The following VLDLR variants were observed in gnomAD, a reference collection of about 807,000 sequenced individuals.
The protein encoded by VLDLR is very low-density lipoprotein receptor.
Under a neutral mutation model 112.7 loss-of-function variants are expected in VLDLR, and 81 were observed. The observed-to-expected ratio is 0.72, with a 90% CI of 0.60 to 0.86. VLDLR has a LOEUF of 0.86. Among genes scored for constraint, VLDLR ranks in the 40% least tolerant of loss-of-function variants. The pLI is 0.00. For missense variants in VLDLR, 1,237 were observed against 1,099.4 expected, an observed-to-expected ratio of 1.13 and a Z score of -1.77; for synonymous variants, 436 against 384.8, an observed-to-expected ratio of 1.13 and a Z score of -1.56.
Position 2,645,720 on chromosome 9 carries a change from G to T in VLDLR, c.1459G>T (p.Asp487Tyr). The change falls in exon 10 of 19, where the codon GAT becomes TAT. Residue 487 changes from aspartate to tyrosine, a missense_variant. Asp to Tyr is a radical substitution (Grantham distance 160). Coordinates refer to ENST00000382100, the MANE Select transcript of VLDLR (RefSeq NM_003383.5). ...DIAAQKLFWA[D>Y]LSQKAIFSAS... ...TGCTGCCCAGAAACTATTCTGGGCC[G>T]ATCTAAGCCAAAAGGCTATCTTCAG... 1 of 1,614,176 alleles carries T rather than the reference G, an allele frequency of 6.2e-7. No individual in the cohort carries two copies. Among genetic ancestry groups the T allele is most frequent in the Non-Finnish European group, 8.5e-7 (1 of 1,180,016 alleles).
chr9:2,650,953 T>C (rs923973686), intron 15 of VLDLR, among the ~76,000 whole-genome samples: 6 of 152,200 alleles, frequency 3.9e-5, no homozygotes, highest in African/African-American at 1.4e-4. Flanking sequence ...TAACTTTTGA[T>C]TAAGTGGCAA....
intron 7 of VLDLR, among the ~76,000 whole-genome samples, chr9:2,644,252 G>A (rs534336695): frequency 2.8e-5 from 4 of 143,970 alleles, no homozygotes; most frequent in East Asian, 4.4e-4. Flanking sequence ...TCTGCCTCCC[G>A]GGTTCAAGCA....
chr9:2,646,438 C>T lies in VLDLR; in HGVS notation c.1589C>T (p.Thr530Ile). 6.2e-7 allele frequency: 1 copy of T among 1,614,132 alleles called. No homozygotes were observed. Among genetic ancestry groups the T allele is most frequent in the Non-Finnish European group, 8.5e-7 (1 of 1,180,008 alleles). Residue 530 changes from threonine to isoleucine, a missense_variant, in exon 11 of 19, where the codon ACT becomes ATT. Physicochemically the swap from Thr to Ile is moderately conservative, Grantham distance 89 (BLOSUM62 -1). Transcript: ENST00000382100. ...TGGGTGTACAAGACCATCTACTGGACTGATGCGGCTTCTAAGACTATTTCA... is the reference window on the plus strand; with the variant it reads ...TGGGTGTACAAGACCATCTACTGGATTGATGCGGCTTCTAAGACTATTTCA... ...VDWVYKTIYW[T>I]DAASKTISVA...
In VLDLR at chr9:2,645,142, T is replaced by A. The variant is rs188371479; in HGVS notation, c.1312+60T>A. ...TTTATGAGTAAGTGCCTCTAAAAGG[T>A]ACAGCCAGTGACTACAATAGTCAAA... On this transcript the variant is annotated intron_variant, in intron 9 of 18. Coordinates refer to ENST00000382100, the MANE Select transcript of VLDLR (RefSeq NM_003383.5). 8.9e-5 allele frequency: 143 copies of A among 1,611,932 alleles called. 2 individuals are homozygous for A. The East Asian group carries it at 2.9e-3, about 33-fold the overall frequency.
rs746343568 is a variant in VLDLR, at chr9:2,650,354, T to C, written c.2105-16T>C. The C allele has an allele frequency of 1.2e-6, 2 of 1,613,766 alleles. No individual in the cohort carries two copies. The highest frequency in any genetic ancestry group is 1.7e-5 in the Admixed American group (1 of 59,984). On this transcript the variant is annotated splice_polypyrimidine_tract_variant and intron_variant, in intron 14 of 18. Transcript: ENST00000382100. ...ACCGGAATACCCATTTTAATGGTAT[T>C]TTTTTTCCTGACTAGGTAAAAATTG... is the stretch of plus-strand genomic sequence containing the variant.
chr9:2,631,304 C>T (rs148708041), intron 1 of VLDLR, among the ~76,000 whole-genome samples: 13 of 152,298 alleles, frequency 8.5e-5, no homozygotes, highest in Non-Finnish European at 1.3e-4. Flanking sequence ...TCCAGCAATC[C>T]CTCTACTGGG....
chr9:2,651,599 C>A, intron 16 of VLDLR, 101 bp downstream of exon 16: 1 of 1,120,956 alleles, frequency 8.9e-7, no homozygotes, highest in Non-Finnish European at 1.3e-6. Context: ...ACTATTTCTG[C>A]CCCAATTGGT....
intron 4 of VLDLR, among the ~76,000 whole-genome samples, chr9:2,642,104 C>G (rs190646322): frequency 1.3e-5 from 2 of 152,256 alleles, no homozygotes. Context: ...GCTTCCTATT[C>G]TTTCATGTTT....
At chr9:2,635,394 T>C in intron 1 of VLDLR, 59 bp from the exon 2 acceptor site, 1 of 1,611,712 alleles carries the variant, frequency 6.2e-7, no homozygotes, top group East Asian at 2.2e-5. Flanking sequence ...CCATGGGTAT[T>C]AGGTATCTTG....
chr9:2,629,733 C>G lies in VLDLR; in HGVS notation c.83-5720C>G, dbSNP rs185685616. Among the ~76,000 whole-genome samples the G allele has an allele frequency of 2.0e-5, 3 of 152,310 alleles. No individual in the cohort carries two copies. In the East Asian group the frequency reaches 5.8e-4, roughly 29 times the overall value. ...GTAAAATTCACTTATTTCCATGACT[C>G]AGAAGAATTAGCCTACATATTCACC... On this transcript the variant is annotated intron_variant, in intron 1 of 18. Transcript: ENST00000382100.
chr9:2,641,299 C>T (rs919250764), intron 3 of VLDLR, 78 bp from the exon 4 acceptor site: 55 of 1,605,488 alleles, frequency 3.4e-5, no homozygotes, highest in Middle Eastern at 1.7e-4. Context: ...CAGGTATTAG[C>T]GCTTCCAGGC....
At position 2,642,085 on chromosome 9, in the gene VLDLR, G is replaced by A. The variant is rs10967312; in HGVS notation, c.448+586G>A. ...CCTGTTGCAGTTCCTGTCTCTGAAAGCTAACTCTGCTTCCTATTCTTTCAT... is the reference window on the plus strand; with the variant it reads ...CCTGTTGCAGTTCCTGTCTCTGAAAACTAACTCTGCTTCCTATTCTTTCAT... On this transcript the variant is annotated intron_variant, in intron 4 of 18. Coordinates refer to ENST00000382100, the MANE Select transcript of VLDLR (RefSeq NM_003383.5). Among the ~76,000 whole-genome samples the A allele has an allele frequency of 5.3e-4, 80 of 152,172 alleles. No individual in the cohort carries two copies. In the East Asian group the frequency reaches 0.015, roughly 29 times the overall value.
chr9:2,642,005 C>T (rs142925565), intron 4 of VLDLR, among the ~76,000 whole-genome samples: 245 of 150,196 alleles, frequency 1.6e-3, no homozygotes, highest in African/African-American at 5.4e-3. Flanking sequence ...CATGAATTAA[C>T]ATCTTGCCTC....
chr9:2,635,048 G>A (rs920191788), intron 1 of VLDLR, among the ~76,000 whole-genome samples: 2 of 152,050 alleles, frequency 1.3e-5, no homozygotes, highest in Non-Finnish European at 2.9e-5. Context: ...TTCTATTTTC[G>A]TCTGGCTCCA....
chr9:2,635,136 C>T (rs945220328), intron 1 of VLDLR, among the ~76,000 whole-genome samples: 27 of 152,160 alleles, frequency 1.8e-4, no homozygotes, highest in African/African-American at 6.5e-4. Context: ...GAAAATGGAT[C>T]CTCTATCCTC....
At chr9:2,649,446 C>G (rs1219296611) in intron 14 of VLDLR, among the ~76,000 whole-genome samples, 6 of 152,142 alleles carry the variant, frequency 3.9e-5, no homozygotes, top group African/African-American at 7.2e-5. Context: ...GGCTGGAGTG[C>G]AGTGGCACAA....
At position 2,637,044 on chromosome 9, in the gene VLDLR, AG is replaced by A. The variant is rs57817953; in HGVS notation, c.202+1473del. On this transcript the variant is annotated intron_variant, in intron 2 of 18. Transcript: ENST00000382100. ...TGGTAGGAGAGTTTGGCAAAGAAAA[AG>A]AGGTAGATGTATATCTAATCAAGAT... Among the ~76,000 whole-genome samples, 918 of 152,338 alleles carry A rather than the reference AG, an allele frequency of 6.0e-3. 15 individuals are homozygous for A. The highest frequency in any genetic ancestry group is 0.024 in the Middle Eastern group (7 of 294).
chr9:2,622,093 C>A lies in VLDLR; in HGVS notation c.-97C>A, dbSNP rs1323305771. The A allele has an allele frequency of 6.4e-6, 8 of 1,259,298 alleles. No homozygotes were observed. The highest frequency in any genetic ancestry group is 4.6e-5 in the South Asian group (3 of 65,870). 78.0% of individuals were successfully genotyped at this position (1,259,298 alleles called of 1,614,324 possible). A position where few individuals can be genotyped will look rare whatever the true frequency, so the allele number is the denominator to read the frequency against. On this transcript the variant is annotated 5_prime_UTR_variant, in exon 1 of 19. Coordinates refer to ENST00000382100, the MANE Select transcript of VLDLR (RefSeq NM_003383.5). ...TCCTTCTCCCCCTTTCCCCTCCCCG[C>A]CCCCACCTTCTTCCTCCTTTCGGAA...
At position 2,657,061 on chromosome 9, in the gene VLDLR, A is replaced by G. The variant is rs1818638088; in HGVS notation, c.*3193A>G. On this transcript the variant is annotated 3_prime_UTR_variant, in exon 19 of 19. Coordinates refer to ENST00000382100, the MANE Select transcript of VLDLR (RefSeq NM_003383.5). ...AAAAATGAGAAGCCAAGCTTTAAAT[A>G]GCAAACTACAGGGTATTAAAAGACT... The G allele has an allele frequency of 6.6e-6, 1 of 151,994 alleles. No homozygotes were observed. Among genetic ancestry groups the G allele is most frequent in the Non-Finnish European group, 1.5e-5 (1 of 67,990 alleles). 9.4% of individuals were successfully genotyped at this position (151,994 alleles called of 1,614,324 possible). A position where few individuals can be genotyped will look rare whatever the true frequency, so the allele number is the denominator to read the frequency against.
Sources: allele counts gnomAD v4.1 joint callset (sites outside exome capture counted in the v4.1 genomes callset), GRCh38; gene constraint gnomAD v4.1.1; transcripts MANE v1.5; gene names NCBI Gene and HGNC (gene_info 2026-07-23, HGNC 2026-07-21).